The following SLIT2 variants were observed in gnomAD, a reference collection of about 807,000 sequenced individuals.
SLIT2 encodes the protein slit homolog 2 protein.
In SLIT2, 41 loss-of-function variants were observed where a neutral mutation model predicts 185.7. The ratio of observed to expected loss-of-function variants is 0.22; its 90% CI spans 0.17 to 0.29. SLIT2 has a LOEUF of 0.29. Ranked by LOEUF, SLIT2 falls within the 10% of genes least tolerant of loss-of-function variation. The probability of loss-of-function intolerance (pLI) is 1.00; values close to 1 mark genes in which losing one functional copy is unlikely to be tolerated. For synonymous variants in SLIT2, 693 were observed against 680.2 expected (o/e 1.02, Z -0.29); for missense variants, 1,571 against 1,909.0 (o/e 0.82, Z 3.30).
At chr4:20,504,219 A>G (rs1354709517) in intron 9 of SLIT2, among the ~76,000 whole-genome samples, 2 of 152,188 alleles carry the variant, frequency 1.3e-5, no homozygotes, top group Non-Finnish European at 2.9e-5. Flanking sequence ...AATCTTACCT[A>G]TGAGGAGAAT....
At chr4:20,469,630 G>GT (rs987526665) in intron 5 of SLIT2, among the ~76,000 whole-genome samples, 7 of 150,682 alleles carry the variant, frequency 4.6e-5, no homozygotes, top group South Asian at 2.1e-4. Flanking sequence ...AGTTAGATGA[G>GT]TTTTTTTAAA....
At chr4:20,475,320 T>A (rs1169232454) in intron 5 of SLIT2, among the ~76,000 whole-genome samples, 1 of 151,722 alleles carries the variant, frequency 6.6e-6, no homozygotes, top group Non-Finnish European at 1.5e-5. Context: ...GTTTTGGTTT[T>A]TTTTTTTTTT....
chr4:20,419,517 A>G (rs1727984232), intron 4 of SLIT2, among the ~76,000 whole-genome samples: 1 of 152,166 alleles, frequency 6.6e-6, no homozygotes. Flanking sequence ...CAGATCTGGA[A>G]TACACTGGAC....
chr4:20,412,391 C>T (rs1727327870), intron 4 of SLIT2, among the ~76,000 whole-genome samples: 1 of 152,004 alleles, frequency 6.6e-6, no homozygotes, highest in African/African-American at 2.4e-5. Context: ...AATTAATCAT[C>T]TTATAAGAGA....
intron 4 of SLIT2, among the ~76,000 whole-genome samples, chr4:20,439,335 A>G (rs1025779704): frequency 1.3e-5 from 2 of 152,186 alleles, no homozygotes; most frequent in Non-Finnish European, 2.9e-5. Context: ...TGGAGTCTGA[A>G]GTCCAAGATC....
chr4:20,558,498 T>C (rs1377146029), intron 26 of SLIT2, among the ~76,000 whole-genome samples: 5 of 152,072 alleles, frequency 3.3e-5, no homozygotes, highest in Admixed American at 6.6e-5. Flanking sequence ...TAACATATAA[T>C]AGTATAGTTA....
intron 4 of SLIT2, among the ~76,000 whole-genome samples, chr4:20,326,793 C>G (rs184048512): frequency 7.7e-6 from 1 of 129,250 alleles, no homozygotes. Flanking sequence ...AGTTCTGGCT[C>G]CAGTTAGAAA....
intron 4 of SLIT2, among the ~76,000 whole-genome samples, chr4:20,379,318 A>G (rs576979901): frequency 6.6e-6 from 1 of 152,300 alleles, no homozygotes; most frequent in Admixed American, 6.5e-5. Flanking sequence ...ATTAATAAAG[A>G]TTATTAAAAA....
intron 4 of SLIT2, among the ~76,000 whole-genome samples, chr4:20,326,289 T>G (rs1719578872): frequency 6.6e-6 from 1 of 152,168 alleles, no homozygotes; most frequent in South Asian, 2.1e-4. Context: ...GTGTCTTGTT[T>G]ATTGTTGTTG....
intron 4 of SLIT2, among the ~76,000 whole-genome samples, chr4:20,467,143 GATT>G (rs1714448105): frequency 6.6e-6 from 1 of 152,130 alleles, no homozygotes; most frequent in Admixed American, 6.6e-5. Context: ...TCTATTTTAT[GATT>G]ATAATAGAAT....
intron 26 of SLIT2, among the ~76,000 whole-genome samples, chr4:20,557,487 C>G (rs966979199): frequency 2.0e-5 from 3 of 151,922 alleles, no homozygotes; most frequent in African/African-American, 7.3e-5. Flanking sequence ...AGCATGGTTT[C>G]CTGAATAATT....
chr4:20,522,450 T>G (rs1454153269), intron 12 of SLIT2, among the ~76,000 whole-genome samples: 1 of 152,082 alleles, frequency 6.6e-6, no homozygotes, highest in Non-Finnish European at 1.5e-5. Context: ...AATAAGCAGG[T>G]CTGCATAAAA....
At chr4:20,532,733 C>T (rs975230155) in intron 17 of SLIT2, among the ~76,000 whole-genome samples, 2 of 152,122 alleles carry the variant, frequency 1.3e-5, no homozygotes, top group African/African-American at 2.4e-5. Flanking sequence ...TGTAAGTTAC[C>T]GAACAGACTA....
chr4:20,550,977 A>G (rs1266788379), intron 25 of SLIT2, 79 bp downstream of exon 25: 18 of 755,872 alleles, frequency 2.4e-5, no homozygotes, highest in Non-Finnish European at 3.6e-5. Flanking sequence ...TCTGCCAGTT[A>G]TTTTACTGTA....
chr4:20,306,171 G>A (rs182392426), intron 4 of SLIT2, among the ~76,000 whole-genome samples: 21 of 152,170 alleles, frequency 1.4e-4, no homozygotes, highest in Non-Finnish European at 2.9e-4. Context: ...AGCAGCAGGG[G>A]GCAGTAGAAC....
intron 4 of SLIT2, among the ~76,000 whole-genome samples, chr4:20,280,820 A>G (rs1455876038): frequency 6.6e-6 from 1 of 150,904 alleles, no homozygotes; most frequent in African/African-American, 2.4e-5. Context: ...TTGAAGGCTT[A>G]TATTAAAAAA....
chr4:20,458,289 CT>C (rs973427681), intron 4 of SLIT2, among the ~76,000 whole-genome samples: 42 of 152,156 alleles, frequency 2.8e-4, no homozygotes, highest in African/African-American at 9.4e-4. Context: ...CTCTTCTTGC[CT>C]TTAATGGGGC....
At chr4:20,611,118 G>A (rs916414209) in intron 34 of SLIT2, among the ~76,000 whole-genome samples, 4 of 152,182 alleles carry the variant, frequency 2.6e-5, no homozygotes, top group African/African-American at 9.6e-5. Flanking sequence ...TTATTTTACA[G>A]ATAAATAAGT....
At chr4:20,567,711 T>C in intron 28 of SLIT2, 96 bp downstream of exon 28, 1 of 950,376 alleles carries the variant, frequency 1.1e-6, no homozygotes, top group Non-Finnish European at 1.7e-6. Context: ...AGGACAGTAT[T>C]TTTCAAAGAA....
Sources: allele counts gnomAD v4.1 joint callset (sites outside exome capture counted in the v4.1 genomes callset), GRCh38; gene constraint gnomAD v4.1.1; transcripts MANE v1.5; gene names NCBI Gene and HGNC (gene_info 2026-07-23, HGNC 2026-07-21).